Variants in ERBB4 observed in about 807,000 individuals in gnomAD.
ERBB4 encodes erb-b2 receptor tyrosine kinase 4.
In ERBB4, 42 loss-of-function variants were observed where a neutral mutation model predicts 158.0. That is an observed-to-expected ratio of 0.27 (90% CI 0.21 to 0.34). ERBB4 has a LOEUF of 0.34. ERBB4 is among the 10% of genes least tolerant of loss of function. The pLI, the probability that ERBB4 is intolerant of heterozygous loss-of-function variation, is 1.00. For missense variants in ERBB4, 1,333 were observed against 1,624.1 expected (o/e 0.82, Z 3.08); for synonymous variants, 583 against 558.7 (o/e 1.04, Z -0.61).
intron 2 of ERBB4, among the ~76,000 whole-genome samples, chr2:212,085,873 T>C (rs1167771590): frequency 1.3e-5 from 2 of 151,630 alleles, no homozygotes; most frequent in African/African-American, 4.8e-5. Context: ...CCTTATTGTA[T>C]TGCCATCAAT....
At chr2:212,154,226 G>A (rs1165304992) in intron 1 of ERBB4, among the ~76,000 whole-genome samples, 2 of 152,064 alleles carry the variant, frequency 1.3e-5, no homozygotes, top group African/African-American at 2.4e-5. Context: ...GAAATAACTT[G>A]TGTACAGAGA....
At chr2:212,068,245 T>C (rs1472382416) in intron 2 of ERBB4, among the ~76,000 whole-genome samples, 1 of 152,026 alleles carries the variant, frequency 6.6e-6, no homozygotes, top group Non-Finnish European at 1.5e-5. Context: ...CAGGTGATAA[T>C]GAGTAGGACA....
At chr2:211,852,253 A>C (rs1426110254) in intron 3 of ERBB4, among the ~76,000 whole-genome samples, 1 of 152,004 alleles carries the variant, frequency 6.6e-6, no homozygotes, top group East Asian at 1.9e-4. Context: ...CAGTAAAATT[A>C]AAAATGAGGA....
chr2:211,839,339 A>T (rs535175624), intron 3 of ERBB4, among the ~76,000 whole-genome samples: 1 of 149,798 alleles, frequency 6.7e-6, no homozygotes, highest in Non-Finnish European at 1.5e-5. Context: ...GTAGCTCTTC[A>T]TGGAGAATAG....
intron 1 of ERBB4, among the ~76,000 whole-genome samples, chr2:212,446,624 T>TATATATATATATAC (rs2092361574): frequency 1.2e-5 from 1 of 80,584 alleles, no homozygotes; most frequent in East Asian, 3.7e-4. Context: ...TATATATATA[T>TATATATATATATAC]ATATATATAT....
intron 20 of ERBB4, among the ~76,000 whole-genome samples, chr2:211,554,920 C>T (rs1426135910): frequency 6.6e-6 from 1 of 152,202 alleles, no homozygotes; most frequent in Non-Finnish European, 1.5e-5. Context: ...AACAGAAACA[C>T]CTCACATACA....
chr2:211,949,398 G>A (rs2080810951), intron 2 of ERBB4, among the ~76,000 whole-genome samples: 1 of 152,116 alleles, frequency 6.6e-6, no homozygotes, highest in Admixed American at 6.6e-5. Flanking sequence ...TATGTGACCT[G>A]AGCAACTGAA....
chr2:211,906,709 T>C (rs764786650), intron 3 of ERBB4, among the ~76,000 whole-genome samples: 2 of 151,542 alleles, frequency 1.3e-5, no homozygotes, highest in Non-Finnish European at 2.9e-5. Context: ...CCTCCCACCC[T>C]CTACCCTCAA....
chr2:212,142,183 C>G (rs935617408), intron 1 of ERBB4, among the ~76,000 whole-genome samples: 19 of 152,142 alleles, frequency 1.2e-4, no homozygotes, highest in African/African-American at 4.1e-4. Context: ...TGAGTAGCAT[C>G]ATTTCAAAAC....
intron 3 of ERBB4, among the ~76,000 whole-genome samples, chr2:211,865,264 G>T (rs566358516): frequency 6.7e-4 from 102 of 151,546 alleles, no homozygotes; most frequent in African/African-American, 2.5e-3. Context: ...TTGCTTAGGA[G>T]ATTGGAAAAA....
At chr2:211,666,705 C>T (rs942613204) in intron 14 of ERBB4, among the ~76,000 whole-genome samples, 1 of 152,086 alleles carries the variant, frequency 6.6e-6, no homozygotes, top group African/African-American at 2.4e-5. Flanking sequence ...TTTTTGGACA[C>T]CATATTGTCT....
At chr2:211,896,593 A>G (rs528009616) in intron 3 of ERBB4, among the ~76,000 whole-genome samples, 1 of 152,148 alleles carries the variant, frequency 6.6e-6, no homozygotes, top group Non-Finnish European at 1.5e-5. Context: ...GCAGCATAAA[A>G]TAATCTTTTT....
intron 1 of ERBB4, among the ~76,000 whole-genome samples, chr2:212,274,979 G>A (rs141167775): frequency 0.012 from 1,820 of 151,838 alleles, 26 homozygotes; most frequent in African/African-American, 0.041. Context: ...GTGTCCATGT[G>A]TTCTCATTGT....
chr2:211,849,116 G>GT (rs940812728), intron 3 of ERBB4, among the ~76,000 whole-genome samples: 2 of 151,872 alleles, frequency 1.3e-5, no homozygotes, highest in African/African-American at 4.8e-5. Context: ...TAAGTACAGT[G>GT]TTTTTTTCCT....
At chr2:211,752,458 C>T (rs762979699) in intron 4 of ERBB4, among the ~76,000 whole-genome samples, 1 of 144,556 alleles carries the variant, frequency 6.9e-6, no homozygotes, top group Non-Finnish European at 1.5e-5. Flanking sequence ...AATATTTGGC[C>T]TTATTCTTTG....
chr2:211,885,042 T>C (rs2106162214), intron 3 of ERBB4, among the ~76,000 whole-genome samples: 1 of 152,316 alleles, frequency 6.6e-6, no homozygotes, highest in East Asian at 1.9e-4. Flanking sequence ...ATTTTTAAAA[T>C]GTATTGAATT....
chr2:212,402,888 T>C (rs1296350292), intron 1 of ERBB4, among the ~76,000 whole-genome samples: 1 of 152,118 alleles, frequency 6.6e-6, no homozygotes, highest in Non-Finnish European at 1.5e-5. Flanking sequence ...TCATGATATA[T>C]TTTGTTTCAT....
At chr2:212,151,643 C>A (rs939240127) in intron 1 of ERBB4, among the ~76,000 whole-genome samples, 1 of 151,818 alleles carries the variant, frequency 6.6e-6, no homozygotes, top group Admixed American at 6.6e-5. Flanking sequence ...AATCCCAGCA[C>A]TTTGGGAGGC....
intron 1 of ERBB4, among the ~76,000 whole-genome samples, chr2:212,494,500 A>C (rs1463877991): frequency 6.6e-6 from 1 of 152,028 alleles, no homozygotes; most frequent in East Asian, 1.9e-4. Flanking sequence ...TTAGTGACCA[A>C]CTGAGGTTAA....
Sources: gnomAD v4.1 joint callset for allele counts (sites outside exome capture counted in the v4.1 genomes callset) on GRCh38, gnomAD v4.1.1 for gene constraint, MANE v1.5 for transcripts, NCBI Gene and HGNC (gene_info 2026-07-23, HGNC 2026-07-21) for gene names.